NKAIN2: variants seen among roughly 807,000 people sequenced by gnomAD.
NKAIN2 encodes sodium/potassium transporting ATPase interacting 2.
In NKAIN2, 14 loss-of-function variants were observed where a neutral mutation model predicts 32.6. The ratio of observed to expected loss-of-function variants is 0.43; its 90% confidence interval spans 0.28 to 0.67. The LOEUF (loss-of-function observed/expected upper bound fraction) is 0.67, where lower values mean the gene tolerates loss of function less well. Ranked by LOEUF, NKAIN2 falls within the 30% of genes least tolerant of loss-of-function variation. The pLI is 0.17. For synonymous variants in NKAIN2, 80 were observed against 87.2 expected (o/e 0.92, Z 0.46); for missense variants, 198 against 258.3 (o/e 0.77, Z 1.60).
intron 3 of NKAIN2, among the ~76,000 whole-genome samples, chr6:124,498,921 G>T (rs573366171): frequency 1.3e-3 from 191 of 151,924 alleles, no homozygotes; most frequent in African/African-American, 4.4e-3. Context: ...CTTTTTTGTA[G>T]TTGTTGTTTT....
At chr6:124,177,159 A>G (rs1249700186) in intron 1 of NKAIN2, among the ~76,000 whole-genome samples, 2 of 152,210 alleles carry the variant, frequency 1.3e-5, no homozygotes, top group South Asian at 2.1e-4. Context: ...ATTTTATATC[A>G]ATTACCAGTT....
At chr6:124,107,112 T>C (rs1198041396) in intron 1 of NKAIN2, among the ~76,000 whole-genome samples, 1 of 151,924 alleles carries the variant, frequency 6.6e-6, no homozygotes, top group Non-Finnish European at 1.5e-5. Flanking sequence ...TTTAGATATA[T>C]GGGGGAAGAG....
intron 4 of NKAIN2, among the ~76,000 whole-genome samples, chr6:124,722,084 T>C (rs1488760920): frequency 2.0e-5 from 3 of 152,220 alleles, no homozygotes; most frequent in Non-Finnish European, 2.9e-5. Flanking sequence ...ACTTATCTTT[T>C]TGTGACTGGC....
intron 4 of NKAIN2, among the ~76,000 whole-genome samples, chr6:124,754,663 AAAG>A (rs1212327446): frequency 2.0e-5 from 3 of 152,116 alleles, no homozygotes; most frequent in East Asian, 1.9e-4. Context: ...TGTGGAGAAA[AAAG>A]AAGGCTTATA....
At chr6:124,774,248 G>A (rs550420655) in intron 4 of NKAIN2, among the ~76,000 whole-genome samples, 1 of 152,250 alleles carries the variant, frequency 6.6e-6, no homozygotes, top group African/African-American at 2.4e-5. Context: ...AGACAGCAGT[G>A]TAGATGGTTA....
chr6:123,817,377 T>A (rs576339006), intron 1 of NKAIN2, among the ~76,000 whole-genome samples: 2 of 152,266 alleles, frequency 1.3e-5, no homozygotes, highest in South Asian at 4.1e-4. Context: ...CTAGATTTTG[T>A]CAGATTGCAA....
At chr6:124,348,278 A>G (rs926575518) in intron 2 of NKAIN2, among the ~76,000 whole-genome samples, 13 of 152,066 alleles carry the variant, frequency 8.5e-5, no homozygotes, top group African/African-American at 2.4e-4. Context: ...CTCGGGGGTC[A>G]GGGGTCAGGG....
intron 3 of NKAIN2, chr6:124,390,870 C>G (rs575105053): frequency 6.6e-6 from 1 of 151,868 alleles, no homozygotes; most frequent in Admixed American, 6.6e-5. Context: ...TCCTGTAGAC[C>G]CTGCAATGCC....
chr6:124,525,778 C>T (rs1251206295), intron 3 of NKAIN2, among the ~76,000 whole-genome samples: 3 of 151,974 alleles, frequency 2.0e-5, no homozygotes, highest in Non-Finnish European at 4.4e-5. Flanking sequence ...GAAAGCACCA[C>T]ATTATTGGAA....
At chr6:124,420,149 C>T (rs919921030) in intron 3 of NKAIN2, among the ~76,000 whole-genome samples, 33 of 152,024 alleles carry the variant, frequency 2.2e-4, no homozygotes, top group Admixed American at 2.2e-3. Context: ...ACTTAAAAGA[C>T]AGGCTTTTGA....
intron 1 of NKAIN2, among the ~76,000 whole-genome samples, chr6:124,072,719 G>A (rs1011786219): frequency 6.6e-6 from 1 of 152,044 alleles, no homozygotes; most frequent in African/African-American, 2.4e-5. Flanking sequence ...TGATTTCCAA[G>A]AAATATTTCA....
chr6:124,269,560 C>T (rs1204832621), intron 1 of NKAIN2, among the ~76,000 whole-genome samples: 8 of 151,314 alleles, frequency 5.3e-5, no homozygotes, highest in Admixed American at 3.9e-4. Context: ...CTCCGCCTCC[C>T]AAGTTCAAGC....
intron 3 of NKAIN2, among the ~76,000 whole-genome samples, chr6:124,451,845 T>A (rs183811042): frequency 5.9e-5 from 9 of 152,174 alleles, no homozygotes; most frequent in Admixed American, 3.9e-4. Context: ...TATACTGAAT[T>A]TTCCTCTGTT....
intron 1 of NKAIN2, among the ~76,000 whole-genome samples, chr6:124,122,279 T>C (rs927760853): frequency 1.3e-5 from 2 of 152,110 alleles, no homozygotes; most frequent in Non-Finnish European, 2.9e-5. Flanking sequence ...ATATTTTTAA[T>C]TATTTCCATT....
At chr6:124,585,342 G>A (rs1228796193) in intron 3 of NKAIN2, among the ~76,000 whole-genome samples, 1 of 152,182 alleles carries the variant, frequency 6.6e-6, no homozygotes, top group African/African-American at 2.4e-5. Flanking sequence ...GTTAGTGGAG[G>A]TGGTTAATAG....
At chr6:124,489,672 C>T (rs1322954058) in intron 3 of NKAIN2, among the ~76,000 whole-genome samples, 1 of 151,714 alleles carries the variant, frequency 6.6e-6, no homozygotes, top group Non-Finnish European at 1.5e-5. Flanking sequence ...TATGGGTACT[C>T]AAAGTACAGT....
chr6:124,726,913 G>C (rs1351257981), intron 4 of NKAIN2, among the ~76,000 whole-genome samples: 1 of 120,672 alleles, frequency 8.3e-6, no homozygotes, highest in Non-Finnish European at 1.7e-5. Context: ...GAAGAATGCA[G>C]AAGCCTCAGG....
intron 1 of NKAIN2, among the ~76,000 whole-genome samples, chr6:123,962,915 C>T (rs1170117800): frequency 1.3e-5 from 2 of 152,168 alleles, no homozygotes; most frequent in Admixed American, 6.5e-5. Context: ...GTTTTTCCAG[C>T]CACCTGCCAC....
intron 1 of NKAIN2, among the ~76,000 whole-genome samples, chr6:124,126,110 G>T (rs577975774): frequency 6.6e-6 from 1 of 151,902 alleles, no homozygotes; most frequent in South Asian, 2.1e-4. Flanking sequence ...CCTAACTCAG[G>T]CACCCAGCCC....
Sources: allele counts gnomAD v4.1 joint callset (sites outside exome capture counted in the v4.1 genomes callset), GRCh38; gene constraint gnomAD v4.1.1; transcripts MANE v1.5; gene names NCBI Gene and HGNC (gene_info 2026-07-23, HGNC 2026-07-21).